The following UBE2U variants were observed in gnomAD, a reference collection of about 807,000 sequenced individuals.
The protein encoded by UBE2U is ubiquitin-conjugating enzyme E2 U.
UBE2U carries 39 observed loss-of-function variants against 41.2 expected under a neutral mutation model. The observed-to-expected ratio is 0.95, with a 90% CI of 0.73 to 1.24. The LOEUF is 1.24. Ranked by LOEUF, UBE2U falls within the 50% of genes most tolerant of loss-of-function variation. UBE2U has a pLI of 0.00. For missense variants in UBE2U, 336 were observed against 363.1 expected, an observed-to-expected ratio of 0.93 and a Z score of 0.61; for synonymous variants, 107 against 117.8, an observed-to-expected ratio of 0.91 and a Z score of 0.60.
chr1:64,204,107 C>CAATT lies in UBE2U; in HGVS notation c.59_62dup (p.Tyr21Ter), dbSNP rs756762540. On this transcript the variant is annotated frameshift_variant, in exon 1 of 10. Transcript: ENST00000371077. LOFTEE classifies it high-confidence loss of function. ...GAGACTTCTGTGATCTCAAGGAGAA[C>CAATT]AATTATAAGGTAAGTACTGGGCACG... 8 of 1,613,626 alleles carry CAATT rather than the reference C, an allele frequency of 5.0e-6. No homozygotes were observed. In the African/African-American group the frequency reaches 1.1e-4, roughly 22 times the overall value.
At chr1:64,215,203 C>G (rs185529411) in intron 5 of UBE2U, among the ~76,000 whole-genome samples, 3 of 152,168 alleles carry the variant, frequency 2.0e-5, no homozygotes, top group Admixed American at 1.3e-4. Flanking sequence ...TGCACTCTAG[C>G]CCGGGCAACG....
chr1:64,230,021 C>G (rs1024002576), intron 6 of UBE2U, among the ~76,000 whole-genome samples: 3 of 152,186 alleles, frequency 2.0e-5, no homozygotes, highest in Admixed American at 2.0e-4. Flanking sequence ...CTATTAACAG[C>G]AAAACGAACC....
intron 9 of UBE2U, among the ~76,000 whole-genome samples, chr1:64,264,864 C>T (rs189525331): frequency 6.6e-6 from 1 of 152,150 alleles, no homozygotes; most frequent in East Asian, 1.9e-4. Context: ...GTGAGAGAAT[C>T]ACTTGATCCC....
chr1:64,264,488 G>A (rs1645223561), intron 9 of UBE2U, among the ~76,000 whole-genome samples: 1 of 152,098 alleles, frequency 6.6e-6, no homozygotes, highest in African/African-American at 2.4e-5. Flanking sequence ...TATTTATTTT[G>A]CATTATAGTC....
At chr1:64,254,295 C>T (rs1358013982) in intron 8 of UBE2U, among the ~76,000 whole-genome samples, 1 of 152,082 alleles carries the variant, frequency 6.6e-6, no homozygotes. Context: ...ACTTAGACTC[C>T]CACACAGTAA....
At chr1:64,226,331 A>T (rs1349875809) in intron 6 of UBE2U, among the ~76,000 whole-genome samples, 2 of 152,214 alleles carry the variant, frequency 1.3e-5, no homozygotes, top group Non-Finnish European at 2.9e-5. Context: ...AATCTGTCAG[A>T]TTAATCCGAT....
intron 3 of UBE2U, 30 bp from the exon 4 acceptor site, chr1:64,210,712 T>C (rs778247542): frequency 7.7e-7 from 1 of 1,301,226 alleles, no homozygotes; most frequent in Non-Finnish European, 1.0e-6. Context: ...TTATTATAAA[T>C]GCAAATATTA....
chr1:64,231,006 T>C (rs1481498293), intron 6 of UBE2U, among the ~76,000 whole-genome samples: 4 of 152,156 alleles, frequency 2.6e-5, no homozygotes, highest in Non-Finnish European at 5.9e-5. Context: ...TACAGTTCTC[T>C]TTTTTTAAGG....
At chr1:64,221,452 A>G (rs1652459262) in intron 6 of UBE2U, among the ~76,000 whole-genome samples, 1 of 152,148 alleles carries the variant, frequency 6.6e-6, no homozygotes, top group Admixed American at 6.6e-5. Flanking sequence ...AGAAGAATGT[A>G]TTGTCAACAA....
At chr1:64,239,160 G>GAA (rs1644772982) in intron 7 of UBE2U, among the ~76,000 whole-genome samples, 1 of 70,932 alleles carries the variant, frequency 1.4e-5, no homozygotes, top group Non-Finnish European at 2.9e-5. Flanking sequence ...GAAGAAGAAA[G>GAA]AAGAAGAAGA....
intron 6 of UBE2U, among the ~76,000 whole-genome samples, chr1:64,223,070 T>C (rs1434713290): frequency 1.3e-5 from 2 of 152,110 alleles, no homozygotes; most frequent in Non-Finnish European, 2.9e-5. Flanking sequence ...AGCTAGTACT[T>C]AGAATGTACT....
Position 64,220,908 on chromosome 1 carries a change from G to T in UBE2U, c.506+1G>T. On this transcript the variant is annotated splice_donor_variant, in intron 6 of 9. Coordinates refer to ENST00000371077, the MANE Select transcript of UBE2U (RefSeq NM_001366232.2). LOFTEE classifies it high-confidence loss of function. ...CTAAAGACCCACGTAAATGTATCAG[G>T]TAAGTTTTTCTTTATACAATTTATG... is the stretch of plus-strand genomic sequence containing the variant. 6.2e-7 allele frequency: 1 copy of T among 1,600,142 alleles called. No homozygotes were observed. The highest frequency in any genetic ancestry group is 8.5e-7 in the Non-Finnish European group (1 of 1,174,498).
chr1:64,237,139 A>C (rs1255661848), intron 7 of UBE2U, among the ~76,000 whole-genome samples: 1 of 152,170 alleles, frequency 6.6e-6, no homozygotes, highest in African/African-American at 2.4e-5. Context: ...TTGATTGACA[A>C]AAATATTCTA....
At chr1:64,256,345 A>T (rs561667668) in intron 8 of UBE2U, among the ~76,000 whole-genome samples, 14 of 152,352 alleles carry the variant, frequency 9.2e-5, no homozygotes, top group Admixed American at 2.6e-4. Context: ...AGCTGGAGGC[A>T]TCATGCTACC....
At chr1:64,255,862 C>T (rs1442755273) in intron 8 of UBE2U, among the ~76,000 whole-genome samples, 1 of 152,060 alleles carries the variant, frequency 6.6e-6, no homozygotes, top group Non-Finnish European at 1.5e-5. Flanking sequence ...GATCCTATGT[C>T]TAGAAAACCC....
intron 8 of UBE2U, among the ~76,000 whole-genome samples, chr1:64,247,408 A>G (rs1644938733): frequency 6.6e-6 from 1 of 152,124 alleles, no homozygotes; most frequent in Non-Finnish European, 1.5e-5. Flanking sequence ...CCCAAATCTT[A>G]TGTTGATATT....
chr1:64,250,774 G>A (rs1644994690), intron 8 of UBE2U, among the ~76,000 whole-genome samples: 1 of 152,018 alleles, frequency 6.6e-6, no homozygotes, highest in Non-Finnish European at 1.5e-5. Context: ...GGACATGGAT[G>A]AAGCTGGAAA....
intron 7 of UBE2U, among the ~76,000 whole-genome samples, chr1:64,239,055 A>AGG (rs1407641180): frequency 9.7e-5 from 6 of 61,564 alleles, no homozygotes; most frequent in East Asian, 2.6e-4. Flanking sequence ...AAAGAAGAAG[A>AGG]AGAAGAAGAA....
intron 6 of UBE2U, among the ~76,000 whole-genome samples, chr1:64,226,127 A>C (rs887360145): frequency 6.6e-6 from 1 of 152,240 alleles, no homozygotes; most frequent in Non-Finnish European, 1.5e-5. Flanking sequence ...GTCCATCAAC[A>C]GTTGAATGCA....
Sources: gnomAD v4.1 joint callset for allele counts (sites outside exome capture counted in the v4.1 genomes callset) on GRCh38, gnomAD v4.1.1 for gene constraint, MANE v1.5 for transcripts, NCBI Gene and HGNC (gene_info 2026-07-23, HGNC 2026-07-21) for gene names.